Variants in EHMT1 observed in about 807,000 individuals in gnomAD.
The protein encoded by EHMT1 is euchromatic histone lysine methyltransferase 1.
EHMT1 carries 15 observed loss-of-function variants against 147.2 expected under a neutral mutation model. The ratio of observed to expected loss-of-function variants is 0.10; its 90% CI spans 0.07 to 0.16. EHMT1 has a LOEUF of 0.16. Among genes scored for constraint, EHMT1 ranks in the 10% least tolerant of loss-of-function variants. The probability of loss-of-function intolerance (pLI) is 1.00; values close to 1 mark genes in which losing one functional copy is unlikely to be tolerated. For synonymous variants in EHMT1, 795 were observed against 709.6 expected (o/e 1.12, Z -1.91); for missense variants, 1,587 against 1,772.4 (o/e 0.90, Z 1.88).
At chr9:137,653,936 T>C (rs1034044620) in intron 1 of EHMT1, among the ~76,000 whole-genome samples, 2 of 152,190 alleles carry the variant, frequency 1.3e-5, no homozygotes, top group African/African-American at 4.8e-5. Flanking sequence ...GGTATCCCCA[T>C]TGCTGAGAAA....
chr9:137,675,630 A>AT lies in EHMT1; in HGVS notation c.22-35316dup, dbSNP rs61666243. 3.7e-3 allele frequency among the ~76,000 whole-genome samples: 390 copies of AT among 105,722 alleles called. 1 individual carries two copies. Among genetic ancestry groups the AT allele is most frequent in the East Asian group, 9.2e-3 (36 of 3,932 alleles). The allele number at this position is 105,722 out of a possible 152,430, so 69.4% of individuals were successfully genotyped here. ...AGGTGCCGGCCACCACGCCCGGCTA[A>AT]TTTTTTTTTTTTTTTTTTTTTGAGA... On this transcript the variant is annotated intron_variant, in intron 1 of 26. Transcript: ENST00000460843.
chr9:137,700,049 T>C (rs7872661), intron 1 of EHMT1, among the ~76,000 whole-genome samples: 2,232 of 152,350 alleles, frequency 0.015, 46 homozygotes, highest in African/African-American at 0.051. Flanking sequence ...TATATCATCA[T>C]GTGGAATAAA....
intron 2 of EHMT1, among the ~76,000 whole-genome samples, chr9:137,711,827 G>A (rs143554587): frequency 1.8e-4 from 28 of 152,248 alleles, no homozygotes; most frequent in African/African-American, 3.9e-4. Flanking sequence ...TAAGGGTGGC[G>A]GCCGTGGGAG....
At position 137,776,808 on chromosome 9, in the gene EHMT1, C is replaced by T. The variant is rs576113368; in HGVS notation, c.1982C>T (p.Ser661Leu). The T allele has an allele frequency of 2.4e-5, 38 of 1,613,836 alleles. No homozygotes were observed. The highest frequency in any genetic ancestry group is 8.9e-5 in the East Asian group (4 of 44,862). The change falls in exon 12 of 27, where the codon TCG becomes TTG. Residue 661 changes from serine (S) to leucine (L), a missense_variant. Physicochemically the swap from Ser to Leu is moderately radical, Grantham distance 145 (BLOSUM62 -2). Coordinates refer to ENST00000460843, the MANE Select transcript of EHMT1 (RefSeq NM_024757.5). This position sits in a 1 kb window ranked among gnomAD's most constrained non-coding sequence, Gnocchi z 4.4. Reference sequence around the variant, plus strand: ...CCAGTCCCCGGGCAGGAGAAGGGCTCGGCCCTGGAGGGCAGGGCCGACACC... The same window carrying T: ...CCAGTCCCCGGGCAGGAGAAGGGCTTGGCCCTGGAGGGCAGGGCCGACACC... ...VTPVPGQEKG[S>L]ALEGRADTTT...
intron 1 of EHMT1, among the ~76,000 whole-genome samples, chr9:137,683,015 C>T (rs150842139): frequency 1.2e-3 from 176 of 152,342 alleles, no homozygotes; most frequent in African/African-American, 4.0e-3. Flanking sequence ...GCAGGATTTT[C>T]GCACACCACT....
intron 4 of EHMT1, among the ~76,000 whole-genome samples, chr9:137,736,689 G>A (rs1471498019): frequency 5.9e-5 from 9 of 152,186 alleles, no homozygotes; most frequent in Non-Finnish European, 1.0e-4. Flanking sequence ...TCAGGAGTTC[G>A]AGACCAGCCT....
chr9:137,734,796 A>G (rs1291696557), intron 4 of EHMT1, among the ~76,000 whole-genome samples: 1 of 152,246 alleles, frequency 6.6e-6, no homozygotes, highest in African/African-American at 2.4e-5. Context: ...TATCACCGGT[A>G]TATTAAGAGT....
chr9:137,740,268 T>C (rs1226516685), intron 4 of EHMT1, among the ~76,000 whole-genome samples: 2 of 152,064 alleles, frequency 1.3e-5, no homozygotes, highest in Non-Finnish European at 2.9e-5. Flanking sequence ...CCGAGCGTCC[T>C]GTGAGATGCC....
intron 13 of EHMT1, among the ~76,000 whole-genome samples, chr9:137,778,359 C>G (rs969826615): frequency 5.9e-5 from 9 of 152,270 alleles, no homozygotes; most frequent in Admixed American, 5.9e-4. Flanking sequence ...AGAGCAGACA[C>G]TGCTTCTGCT....
rs575319029 is a variant in EHMT1, at chr9:137,727,317, AT to A, written c.643-1025del. ...AACTTTGATTAAGTCCAGTTTGTCT[AT>A]TTTTTTCTTCTGTTGCCTGTACTTT... On this transcript the variant is annotated intron_variant, in intron 3 of 26. Coordinates refer to ENST00000460843, the MANE Select transcript of EHMT1 (RefSeq NM_024757.5). 4.3e-3 allele frequency among the ~76,000 whole-genome samples: 652 copies of A among 151,976 alleles called. 5 individuals carry two copies. The highest frequency in any genetic ancestry group is 0.015 in the African/African-American group (608 of 41,430).
intron 1 of EHMT1, among the ~76,000 whole-genome samples, chr9:137,681,988 T>C (rs1941991451): frequency 6.6e-6 from 1 of 152,122 alleles, no homozygotes; most frequent in African/African-American, 2.4e-5. Context: ...TCTCGCTCTG[T>C]CGCCCAGGCT....
intron 1 of EHMT1, among the ~76,000 whole-genome samples, chr9:137,664,609 A>C (rs960597119): frequency 1.3e-5 from 2 of 152,024 alleles, no homozygotes; most frequent in African/African-American, 4.8e-5. Flanking sequence ...CAGTTCAATA[A>C]GTGGAAAATG....
intron 1 of EHMT1, among the ~76,000 whole-genome samples, chr9:137,702,739 C>T (rs1187000839): frequency 1.3e-5 from 2 of 152,212 alleles, no homozygotes; most frequent in Non-Finnish European, 2.9e-5. Flanking sequence ...ATGTGGGGCT[C>T]CAGTCCCACA....
intron 4 of EHMT1, among the ~76,000 whole-genome samples, chr9:137,734,259 A>G (rs527834060): frequency 1.3e-5 from 2 of 152,364 alleles, no homozygotes; most frequent in South Asian, 4.1e-4. Flanking sequence ...AAAATGATGT[A>G]TGATCAAAAT....
intron 1 of EHMT1, among the ~76,000 whole-genome samples, chr9:137,672,551 T>G (rs1240383958): frequency 6.6e-6 from 1 of 152,246 alleles, no homozygotes; most frequent in African/African-American, 2.4e-5. Context: ...CTCAGTGTGT[T>G]TAGAGTGTGA....
intron 21 of EHMT1, among the ~76,000 whole-genome samples, chr9:137,814,071 C>G (rs1340256807): frequency 1.1e-5 from 1 of 94,944 alleles, no homozygotes; most frequent in Non-Finnish European, 2.0e-5. Context: ...CCCCCCCCCC[C>G]GCCCCCCGCC....
intron 18 of EHMT1, among the ~76,000 whole-genome samples, chr9:137,810,194 T>C (rs56220863): frequency 0.15 from 6,929 of 46,384 alleles, 2 homozygotes; most frequent in African/African-American, 0.22. Context: ...TGCCGCCCCG[T>C]GTGGACCGTC....
chr9:137,743,223 T>C, intron 4 of EHMT1, 148 bp from the exon 5 acceptor site: 2 of 874,384 alleles, frequency 2.3e-6, no homozygotes, highest in South Asian at 3.3e-5. Flanking sequence ...ACTGTGCTGA[T>C]GACCTGCGGG....
At chr9:137,693,236 G>A (rs1201057062) in intron 1 of EHMT1, among the ~76,000 whole-genome samples, 2 of 152,100 alleles carry the variant, frequency 1.3e-5, no homozygotes, top group Non-Finnish European at 2.9e-5. Flanking sequence ...AAGTTAGCGG[G>A]TATCTAACAA....
Sources: gnomAD v4.1 joint callset for allele counts (sites outside exome capture counted in the v4.1 genomes callset) on GRCh38, gnomAD v4.1.1 for gene constraint, Gnocchi (gnomAD v3.1) non-coding constraint, MANE v1.5 for transcripts, NCBI Gene and HGNC (gene_info 2026-07-23, HGNC 2026-07-21) for gene names.